Variants in RBFOX1 observed in about 807,000 individuals in gnomAD.
The protein encoded by RBFOX1 is RNA binding fox-1 homolog 1, also known as RNA binding protein fox-1 homolog 1.
A neutral mutation model predicts 57.7 loss-of-function variants in RBFOX1; 8 were observed. That is an observed-to-expected ratio of 0.14 (90% CI 0.08 to 0.25). The LOEUF (loss-of-function observed/expected upper bound fraction) is 0.25. Ranked by LOEUF, RBFOX1 falls within the 10% of genes least tolerant of loss-of-function variation. The pLI is 1.00. For missense variants in RBFOX1, 611 were observed against 548.5 expected (o/e 1.11, Z -1.14); for synonymous variants, 326 against 222.4 (o/e 1.47, Z -4.15).
intron 1 of RBFOX1, among the ~76,000 whole-genome samples, chr16:6,021,030 G>A (rs2095064303): frequency 6.6e-6 from 1 of 152,194 alleles, no homozygotes; most frequent in South Asian, 2.1e-4. Flanking sequence ...GAACATCTGG[G>A]GTGCGGCTAC....
At chr16:7,453,021 A>T (rs921039001) in intron 4 of RBFOX1, among the ~76,000 whole-genome samples, 2 of 149,790 alleles carry the variant, frequency 1.3e-5, no homozygotes, top group Non-Finnish European at 3.0e-5. Flanking sequence ...TGCAGCTACT[A>T]GGGGGGCTGA....
At chr16:7,617,977 C>T (rs1367320873) in intron 10 of RBFOX1, among the ~76,000 whole-genome samples, 1 of 147,688 alleles carries the variant, frequency 6.8e-6, no homozygotes, top group East Asian at 2.1e-4. Context: ...TGTTTCTCAA[C>T]CTTTATCTTT....
At chr16:7,691,739 A>T (rs1011637646) in intron 14 of RBFOX1, among the ~76,000 whole-genome samples, 2 of 152,128 alleles carry the variant, frequency 1.3e-5, no homozygotes, top group African/African-American at 4.8e-5. Context: ...CCTTAGGGAA[A>T]ATTGCAGAAA....
chr16:6,087,801 C>T (rs1213442335), intron 1 of RBFOX1, among the ~76,000 whole-genome samples: 1 of 152,014 alleles, frequency 6.6e-6, no homozygotes, highest in Non-Finnish European at 1.5e-5. Context: ...TATAGGCGAG[C>T]ACCACCACAC....
chr16:7,679,980 C>T (rs1186620290), intron 14 of RBFOX1, among the ~76,000 whole-genome samples: 2 of 152,286 alleles, frequency 1.3e-5, no homozygotes, highest in Middle Eastern at 3.4e-3. Flanking sequence ...TATTTCTAAT[C>T]TCACTTTGAT....
chr16:7,090,854 G>T (rs1048747416), intron 4 of RBFOX1, among the ~76,000 whole-genome samples: 3 of 152,164 alleles, frequency 2.0e-5, no homozygotes, highest in African/African-American at 7.2e-5. Context: ...TACACTTGCC[G>T]TAGAATGAAG....
intron 3 of RBFOX1, among the ~76,000 whole-genome samples, chr16:6,985,274 CTTATG>C (rs1020403182): frequency 1.3e-5 from 2 of 152,102 alleles, no homozygotes; most frequent in African/African-American, 4.8e-5. Flanking sequence ...GGGAATATAT[CTTATG>C]TTTTTACATG....
chr16:6,658,921 TTTTTTGG>T (rs1220674217), intron 3 of RBFOX1, among the ~76,000 whole-genome samples: 6 of 87,478 alleles, frequency 6.9e-5, no homozygotes, highest in Admixed American at 4.3e-4. Flanking sequence ...TGTTTTTTTG[TTTTTTGG>T]TTTTTTTGTT....
At chr16:6,914,938 T>A (rs12446606) in intron 3 of RBFOX1, among the ~76,000 whole-genome samples, 13,034 of 152,242 alleles carry the variant, frequency 0.086, 723 homozygotes, top group East Asian at 0.28. Context: ...CACATAACTT[T>A]TAGAGAAGTA....
intron 3 of RBFOX1, among the ~76,000 whole-genome samples, chr16:5,747,054 T>A (rs1273974965): frequency 6.6e-6 from 1 of 152,188 alleles, no homozygotes; most frequent in Non-Finnish European, 1.5e-5. Flanking sequence ...TGGGAATGCA[T>A]CCCATTAATA....
chr16:5,269,944 C>G (rs1184190175), intron 1 of RBFOX1, among the ~76,000 whole-genome samples: 1 of 152,042 alleles, frequency 6.6e-6, no homozygotes, highest in African/African-American at 2.4e-5. Context: ...TGCTTGAGGC[C>G]AGGAGTTCCA....
intron 3 of RBFOX1, among the ~76,000 whole-genome samples, chr16:5,716,892 C>T (rs1167100649): frequency 6.6e-6 from 1 of 152,190 alleles, no homozygotes; most frequent in Non-Finnish European, 1.5e-5. Flanking sequence ...CCAAGCCTGT[C>T]ATCCCTGGTC....
At chr16:5,631,690 G>T (rs1034564391) in intron 3 of RBFOX1, among the ~76,000 whole-genome samples, 1 of 151,990 alleles carries the variant, frequency 6.6e-6, no homozygotes, top group Non-Finnish European at 1.5e-5. Context: ...CTTGATCATT[G>T]CCTTCCCCTA....
At chr16:5,374,917 G>A (rs898017308) in intron 1 of RBFOX1, among the ~76,000 whole-genome samples, 1 of 151,762 alleles carries the variant, frequency 6.6e-6, no homozygotes, top group East Asian at 1.9e-4. Flanking sequence ...TGGCCCACAA[G>A]GCTTAATGTG....
At chr16:5,377,494 G>C (rs905778848) in intron 1 of RBFOX1, among the ~76,000 whole-genome samples, 1 of 150,314 alleles carries the variant, frequency 6.7e-6, no homozygotes, top group African/African-American at 2.5e-5. Context: ...GGAGGAGTAA[G>C]TTGAAGGCTA....
chr16:7,064,149 ATGAC>A (rs1346562775), intron 4 of RBFOX1, among the ~76,000 whole-genome samples: 2 of 146,114 alleles, frequency 1.4e-5, no homozygotes, highest in South Asian at 2.2e-4. Flanking sequence ...CTAATCCAGT[ATGAC>A]TGGTGTTCTT....
intron 3 of RBFOX1, among the ~76,000 whole-genome samples, chr16:6,962,059 C>T (rs2083136107): frequency 6.6e-6 from 1 of 152,158 alleles, no homozygotes; most frequent in Non-Finnish European, 1.5e-5. Context: ...GGTTAGAAGG[C>T]CTCTGACACT....
intron 2 of RBFOX1, among the ~76,000 whole-genome samples, chr16:6,556,259 CA>C (rs917152877): frequency 1.3e-5 from 2 of 152,104 alleles, no homozygotes; most frequent in African/African-American, 4.8e-5. Context: ...TGCATGTGTA[CA>C]AAAAGGCATC....
intron 4 of RBFOX1, among the ~76,000 whole-genome samples, chr16:7,096,165 A>G (rs1354778002): frequency 6.6e-6 from 1 of 152,226 alleles, no homozygotes. Flanking sequence ...AGACAGATAA[A>G]ACACAACACA....
Sources: allele counts gnomAD v4.1 joint callset (sites outside exome capture counted in the v4.1 genomes callset), GRCh38; gene constraint gnomAD v4.1.1; transcripts MANE v1.5; gene names NCBI Gene and HGNC (gene_info 2026-07-23, HGNC 2026-07-21).